CHL1: variants seen among roughly 807,000 people sequenced by gnomAD.
The protein encoded by CHL1 is neural cell adhesion molecule L1-like protein.
CHL1 carries 96 observed loss-of-function variants against 141.9 expected under a neutral mutation model. The observed-to-expected ratio is 0.68, with a 90% CI of 0.57 to 0.80. The LOEUF (loss-of-function observed/expected upper bound fraction) is 0.80, where lower values mean the gene tolerates loss of function less well. CHL1 is among the 30% of genes least tolerant of loss of function. The probability of loss-of-function intolerance (pLI) is 0.00; values close to 1 mark genes in which losing one functional copy is unlikely to be tolerated. For missense variants in CHL1, 1,820 were observed against 1,457.2 expected, an observed-to-expected ratio of 1.25 and a Z score of -4.05; for synonymous variants, 613 against 502.2, an observed-to-expected ratio of 1.22 and a Z score of -2.95.
intron 5 of CHL1, among the ~76,000 whole-genome samples, chr3:339,696 C>A (rs1036834389): frequency 6.6e-6 from 1 of 152,132 alleles, no homozygotes; most frequent in Non-Finnish European, 1.5e-5. Context: ...CAGCAAATTC[C>A]CTCAACCTCT....
chr3:400,274 C>T (rs1002610525), intron 26 of CHL1, among the ~76,000 whole-genome samples: 6 of 152,224 alleles, frequency 3.9e-5, no homozygotes, highest in Middle Eastern at 3.4e-3. Context: ...AAATGACATG[C>T]ATAATTTATG....
intron 2 of CHL1, among the ~76,000 whole-genome samples, chr3:282,457 T>C (rs1270767260): frequency 2.0e-5 from 3 of 152,240 alleles, no homozygotes; most frequent in African/African-American, 7.2e-5. Flanking sequence ...TTTGTATAGA[T>C]TGAGGTTAAC....
chr3:372,246 C>G (rs993841352), intron 15 of CHL1, among the ~76,000 whole-genome samples: 2 of 152,148 alleles, frequency 1.3e-5, no homozygotes, highest in Non-Finnish European at 2.9e-5. Flanking sequence ...GGTACTCCAA[C>G]CAGTTGCAGG....
At chr3:219,427 C>A (rs370429777) in intron 1 of CHL1, among the ~76,000 whole-genome samples, 4 of 152,066 alleles carry the variant, frequency 2.6e-5, no homozygotes, top group African/African-American at 4.8e-5. Context: ...TAAAATCAAC[C>A]TAAATGCCCA....
chr3:314,323 CTATGTGTATATATATATA>C (rs1396582787), intron 2 of CHL1, among the ~76,000 whole-genome samples: 2,269 of 60,124 alleles, frequency 0.038, 130 homozygotes, highest in African/African-American at 0.14. Context: ...CTCTCTCTCT[CTATGTGTATATATATATA>C]TATATATATA....
intron 1 of CHL1, among the ~76,000 whole-genome samples, chr3:231,552 A>C (rs1268996669): frequency 6.8e-6 from 1 of 147,330 alleles, no homozygotes. Flanking sequence ...TTGGGAGTAC[A>C]TGTTTTAAAA....
chr3:338,899 G>A (rs9833929), intron 5 of CHL1, among the ~76,000 whole-genome samples: 151,062 of 152,294 alleles, frequency 0.99, 74,935 homozygotes, highest in Middle Eastern at 1. Context: ...GAATTGCTAG[G>A]TTTTTTTTAA....
intron 22 of CHL1, among the ~76,000 whole-genome samples, chr3:391,445 G>T (rs2125446668): frequency 6.6e-6 from 1 of 152,270 alleles, no homozygotes; most frequent in East Asian, 1.9e-4. Context: ...GAACCCGGGA[G>T]GCGGAGGTTG....
At chr3:232,845 C>G (rs1379121529) in intron 1 of CHL1, among the ~76,000 whole-genome samples, 1 of 152,080 alleles carries the variant, frequency 6.6e-6, no homozygotes, top group Non-Finnish European at 1.5e-5. Context: ...GTTCATTTAA[C>G]TTTACATTTT....
chr3:230,358 C>T (rs1574785672), intron 1 of CHL1, among the ~76,000 whole-genome samples: 1 of 152,284 alleles, frequency 6.6e-6, no homozygotes, highest in East Asian at 1.9e-4. Context: ...AGTAGGCAGG[C>T]TCTGCATCCA....
chr3:407,504 C>G lies in CHL1; in HGVS notation c.*1793C>G, dbSNP rs1709603534. 1 of 152,058 alleles carries G rather than the reference C, an allele frequency of 6.6e-6. No homozygotes were observed. Among genetic ancestry groups the G allele is most frequent in the Admixed American group, 6.6e-5 (1 of 15,242 alleles). 9.4% of individuals were successfully genotyped at this position (152,058 alleles called of 1,614,324 possible). On this transcript the variant is annotated 3_prime_UTR_variant, in exon 28 of 28. Coordinates refer to ENST00000256509, the MANE Select transcript of CHL1 (RefSeq NM_006614.4). ...TCAAAGGGGGAAGGCAGTGTGGTCC[C>G]TACCCTGTGTGAATGTGAGGATGTA... is the stretch of plus-strand genomic sequence containing the variant.
intron 2 of CHL1, among the ~76,000 whole-genome samples, chr3:310,987 G>A (rs190477663): frequency 6.6e-6 from 1 of 152,206 alleles, no homozygotes; most frequent in African/African-American, 2.4e-5. Flanking sequence ...AACAGTATCT[G>A]GTGTTTTCAA....
At chr3:334,024 A>C (rs191784013) in intron 5 of CHL1, among the ~76,000 whole-genome samples, 1 of 152,080 alleles carries the variant, frequency 6.6e-6, no homozygotes, top group Non-Finnish European at 1.5e-5. Context: ...TGGTACAAAC[A>C]TGGCTCACTG....
intron 16 of CHL1, among the ~76,000 whole-genome samples, chr3:381,270 G>A (rs914512070): frequency 1.3e-5 from 2 of 152,122 alleles, no homozygotes; most frequent in African/African-American, 2.4e-5. Flanking sequence ...AGCCTGATGC[G>A]ATTGAACACA....
intron 1 of CHL1, among the ~76,000 whole-genome samples, chr3:215,262 A>T (rs1224853034): frequency 1.3e-5 from 2 of 152,192 alleles, no homozygotes; most frequent in Non-Finnish European, 2.9e-5. Flanking sequence ...TCATTGTGGT[A>T]ACATGGATGA....
In CHL1 at chr3:298,317, T is replaced by C. The variant is rs188841419; in HGVS notation, c.-94-21366T>C. Among the ~76,000 whole-genome samples, 5 of 152,320 alleles carry C rather than the reference T, an allele frequency of 3.3e-5. No individual in the cohort carries two copies. The East Asian group carries it at 9.7e-4, about 29-fold the overall frequency. On this transcript the variant is annotated intron_variant, in intron 2 of 27. Transcript: ENST00000256509. ...AGTTTTACTAATAATTTTAATGGTA[T>C]AGGTAATCACATGGCATGGGTGAGC...
chr3:380,708 A>G (rs910863696), intron 16 of CHL1, among the ~76,000 whole-genome samples: 3 of 152,224 alleles, frequency 2.0e-5, no homozygotes, highest in Admixed American at 6.5e-5. Flanking sequence ...ATGAAAATTC[A>G]TTGTTATCAA....
intron 2 of CHL1, among the ~76,000 whole-genome samples, chr3:308,332 C>T (rs1225275556): frequency 2.0e-5 from 3 of 152,092 alleles, no homozygotes; most frequent in Admixed American, 6.5e-5. Flanking sequence ...CTGGCAACTG[C>T]CTCATAAAAT....
At chr3:291,971 C>A (rs139148410) in intron 2 of CHL1, among the ~76,000 whole-genome samples, 52 of 152,294 alleles carry the variant, frequency 3.4e-4, no homozygotes, top group African/African-American at 1.1e-3. Context: ...CTTATGCTCA[C>A]CCTGAAATTC....
Sources: allele counts gnomAD v4.1 joint callset (sites outside exome capture counted in the v4.1 genomes callset), GRCh38; gene constraint gnomAD v4.1.1; transcripts MANE v1.5; gene names NCBI Gene and HGNC (gene_info 2026-07-23, HGNC 2026-07-21).